ERICH1: variants seen among roughly 807,000 people sequenced by gnomAD.
ERICH1 encodes the protein glutamate-rich protein 1.
A neutral mutation model predicts 39.6 loss-of-function variants in ERICH1; 56 were observed. The ratio of observed to expected loss-of-function variants is 1.41; its 90% CI spans 1.14 to 1.77. ERICH1 has a LOEUF of 1.77. ERICH1 is among the 40% of genes most tolerant of loss of function. ERICH1 has a pLI of 0.00. For synonymous variants in ERICH1, 313 were observed against 223.6 expected (o/e 1.40, Z -3.57); for missense variants, 826 against 575.4 (o/e 1.44, Z -4.45).
chr8:642,613 AT>A (rs910103435), intron 3 of ERICH1, among the ~76,000 whole-genome samples: 29 of 148,460 alleles, frequency 2.0e-4, no homozygotes, highest in South Asian at 4.3e-4. Flanking sequence ...CAAAGTGGAA[AT>A]TTTTTTTTTT....
At chr8:619,634 T>C (rs1797154492) in intron 3 of ERICH1, among the ~76,000 whole-genome samples, 1 of 152,222 alleles carries the variant, frequency 6.6e-6, no homozygotes, top group Non-Finnish European at 1.5e-5. Context: ...CTCTCCTTTC[T>C]TCTCTCAACT....
chr8:721,251 T>C (rs569661562), intron 1 of ERICH1, among the ~76,000 whole-genome samples: 10 of 152,312 alleles, frequency 6.6e-5, no homozygotes, highest in African/African-American at 2.4e-4. Context: ...TAATAAAGTA[T>C]TTTTTAAAAA....
intron 2 of ERICH1, among the ~76,000 whole-genome samples, chr8:698,250 A>C (rs1206345476): frequency 4.1e-5 from 6 of 145,332 alleles, no homozygotes; most frequent in Non-Finnish European, 6.0e-5. Context: ...GTGGAGTCTC[A>C]CTCTGTCACC....
intron 2 of ERICH1, among the ~76,000 whole-genome samples, chr8:712,705 G>A (rs903662824): frequency 6.6e-6 from 1 of 152,154 alleles, no homozygotes; most frequent in Admixed American, 6.5e-5. Context: ...CCAAAGTGCT[G>A]GGTGTTTTTA....
Position 664,634 on chromosome 8 carries a change from G to A in ERICH1, c.1301C>T (p.Thr434Ile), listed in dbSNP as rs1585119006. The A allele has an allele frequency of 6.2e-7, 1 of 1,612,986 alleles. No individual in the cohort carries two copies. Among genetic ancestry groups the A allele is most frequent in the African/African-American group, 1.3e-5 (1 of 74,910 alleles). ...ACTGCTCTTCTCAGGAAGGATATGT[G>A]TGATCCAGTAACTAAAGAAAGCTGA... Reference protein sequence around the residue: ...VISAFFSYWITHILPEKSSD With the variant: ...VISAFFSYWIIHILPEKSSD The change falls in exon 6 of 6, where the codon ACA (threonine) becomes ATA (isoleucine). Residue 434 changes from threonine to isoleucine, a missense_variant. Physicochemically the swap from Thr to Ile is moderately conservative, Grantham distance 89 (BLOSUM62 -1). Transcript: ENST00000262109.
At chr8:634,646 C>CT (rs1405017771) in intron 3 of ERICH1, among the ~76,000 whole-genome samples, 1 of 152,138 alleles carries the variant, frequency 6.6e-6, no homozygotes, top group African/African-American at 2.4e-5. Context: ...GCTGGCGGAG[C>CT]AGCCGGACCA....
At chr8:697,238 C>T (rs73178828) in intron 2 of ERICH1, among the ~76,000 whole-genome samples, 33,373 of 152,208 alleles carry the variant, frequency 0.22, 4,421 homozygotes, top group Non-Finnish European at 0.3. Flanking sequence ...ATCCTGACAG[C>T]TGCAAATGGC....
Position 627,180 on chromosome 8 carries a change from C to A in ERICH1, c.977-11896G>T, listed in dbSNP as rs536507473. On this transcript the variant is annotated intron_variant, in intron 3 of 3. Transcript: ENST00000522706. ...CCAGGTCTGAGCTCACATGTAGCCA[C>A]TGATGTGCTGTGTGACCTGTACCAT... 359 of 456,302 alleles carry A rather than the reference C, an allele frequency of 7.9e-4. 6 individuals are homozygous for A. The highest frequency in any genetic ancestry group is 4.2e-3 in the South Asian group (274 of 64,566). The allele number at this position is 456,302 out of a possible 1,614,324, so 28.3% of individuals were successfully genotyped here.
downstream of ERICH1, among the ~76,000 whole-genome samples, chr8:660,801 C>T (rs529873702): frequency 5.9e-5 from 9 of 152,164 alleles, no homozygotes; most frequent in Non-Finnish European, 1.2e-4. Context: ...CCGCAGCTTT[C>T]GAGCTGCTTC....
chr8:705,899 T>C (rs539173665), intron 2 of ERICH1, among the ~76,000 whole-genome samples: 1 of 152,208 alleles, frequency 6.6e-6, no homozygotes, highest in Non-Finnish European at 1.5e-5. Flanking sequence ...ATGGTAACAC[T>C]GCACTTTCAC....
chr8:701,294 G>A (rs1296034832), intron 2 of ERICH1, among the ~76,000 whole-genome samples: 7 of 152,258 alleles, frequency 4.6e-5, no homozygotes, highest in African/African-American at 1.2e-4. Flanking sequence ...CCCGCCGGAC[G>A]GGAGCACGCC....
chr8:631,073 C>A (rs564084148), intron 3 of ERICH1, among the ~76,000 whole-genome samples: 1 of 152,124 alleles, frequency 6.6e-6, no homozygotes, highest in Non-Finnish European at 1.5e-5. Flanking sequence ...CTGACTCATA[C>A]CCTCCCATGA....
At chr8:715,200 A>G (rs1815608150) in intron 2 of ERICH1, among the ~76,000 whole-genome samples, 1 of 151,560 alleles carries the variant, frequency 6.6e-6, no homozygotes, top group African/African-American at 2.4e-5. Context: ...TGGTCCACCC[A>G]GGTGGTCTCT....
chr8:619,974 T>C (rs1264797050), intron 3 of ERICH1, among the ~76,000 whole-genome samples: 2 of 152,040 alleles, frequency 1.3e-5, no homozygotes, highest in Non-Finnish European at 2.9e-5. Flanking sequence ...CCACTTAATA[T>C]GAAAAAGCAA....
In ERICH1 at chr8:701,829, C is replaced by T. The variant is rs189093839; in HGVS notation, c.170-9217G>A. Reference sequence around the variant, plus strand: ...AAAGGCAGCCAGGCGCGGTTGCTCACGCATGTAATCCCAGCACTTTGGGAG... The same window carrying T: ...AAAGGCAGCCAGGCGCGGTTGCTCATGCATGTAATCCCAGCACTTTGGGAG... On this transcript the variant is annotated intron_variant, in intron 2 of 5. Coordinates refer to ENST00000262109, the MANE Select transcript of ERICH1 (RefSeq NM_207332.3). Among the ~76,000 whole-genome samples the T allele has an allele frequency of 2.0e-3, 302 of 152,134 alleles. 2 individuals carry two copies. The highest frequency in any genetic ancestry group is 6.8e-3 in the African/African-American group (280 of 41,478).
chr8:673,237 TA>T, intron 4 of ERICH1, 51 bp downstream of exon 4: 2 of 1,518,830 alleles, frequency 1.3e-6, no homozygotes, highest in Admixed American at 4.4e-5. Flanking sequence ...TTTCTTTTAA[TA>T]AACTTTTAAG....
intron 1 of ERICH1, among the ~76,000 whole-genome samples, chr8:721,385 C>T (rs574933401): frequency 6.6e-6 from 1 of 152,312 alleles, no homozygotes; most frequent in Non-Finnish European, 1.5e-5. Flanking sequence ...GCTTCACTTC[C>T]TCCCAGCCCC....
intron 1 of ERICH1, among the ~76,000 whole-genome samples, chr8:728,340 C>T (rs759238762): frequency 1.7e-4 from 26 of 152,298 alleles, no homozygotes; most frequent in African/African-American, 5.1e-4. Flanking sequence ...CACTGGGAAC[C>T]GTCCAGGGAG....
At chr8:616,461 G>A in intron 3 of ERICH1, 2 of 453,144 alleles carry the variant, frequency 4.4e-6, no homozygotes, top group Non-Finnish European at 8.9e-6. Flanking sequence ...CGGATTCAGC[G>A]CTGGCCAACA....
Sources: allele counts gnomAD v4.1 joint callset (sites outside exome capture counted in the v4.1 genomes callset), GRCh38; gene constraint gnomAD v4.1.1; transcripts MANE v1.5; gene names NCBI Gene and HGNC (gene_info 2026-07-23, HGNC 2026-07-21).